Variants in MAP4K2 observed in about 807,000 individuals in gnomAD.
MAP4K2 encodes B lymphocyte serine/threonine protein kinase.
MAP4K2 carries 85 observed loss-of-function variants against 125.3 expected under a neutral mutation model. The ratio of observed to expected loss-of-function variants is 0.68; its 90% CI spans 0.57 to 0.81. The LOEUF is 0.81. Among genes scored for constraint, MAP4K2 ranks in the 40% least tolerant of loss-of-function variants. The probability of loss-of-function intolerance (pLI) is 0.00; values close to 1 mark genes in which losing one functional copy is unlikely to be tolerated. For synonymous variants in MAP4K2, 479 were observed against 445.1 expected (o/e 1.08, Z -0.96); for missense variants, 923 against 1,056.4 (o/e 0.87, Z 1.75).
chr11:64,799,662 T>C lies in MAP4K2; in HGVS notation c.937A>G (p.Thr313Ala). 1 of 1,613,800 alleles carries C rather than the reference T, an allele frequency of 6.2e-7. No homozygotes were observed. The highest frequency in any genetic ancestry group is 8.5e-7 in the Non-Finnish European group (1 of 1,179,984). ...ELETYDMFPDTIHSRGQHGPA... is the reference protein window; with the variant it reads ...ELETYDMFPDAIHSRGQHGPA... Reference sequence around the variant, plus strand: ...CCGTGCTGCCCCCGGGAGTGAATGGTGTCTGGAAACATGTCATAGGTCTAA... The same window carrying C: ...CCGTGCTGCCCCCGGGAGTGAATGGCGTCTGGAAACATGTCATAGGTCTAA... The change falls in exon 13 of 32, where the codon ACC (threonine) becomes GCC (alanine). Residue 313 changes from threonine (T) to alanine (A), a missense_variant. Coordinates refer to ENST00000294066, the MANE Select transcript of MAP4K2 (RefSeq NM_004579.5).
At position 64,792,465 on chromosome 11, in the gene MAP4K2, A is replaced by G. The variant is rs961868066; in HGVS notation, c.1752-43T>C. 9 of 1,530,024 alleles carry G rather than the reference A, an allele frequency of 5.9e-6. No individual in the cohort carries two copies. In the African/African-American group the frequency reaches 8.2e-5, roughly 14 times the overall value. The allele number at this position is 1,530,024 out of a possible 1,614,324, so 94.8% of individuals were successfully genotyped here. On this transcript the variant is annotated intron_variant, in intron 24 of 31. Transcript: ENST00000294066. Reference sequence around the variant, plus strand: ...AGGGCCTGTGTCTGGGATGCCATCCATGGGCAAGGCCCCTGCAGAGCCCTA... The same window carrying G: ...AGGGCCTGTGTCTGGGATGCCATCCGTGGGCAAGGCCCCTGCAGAGCCCTA...
At chr11:64,795,251 T>G (rs1940725451) in intron 24 of MAP4K2, among the ~76,000 whole-genome samples, 1 of 150,464 alleles carries the variant, frequency 6.6e-6, no homozygotes, top group South Asian at 2.1e-4. Context: ...ACCCAGCTAA[T>G]TTTTGTATTT....
rs1453735365 is a variant in MAP4K2 at position 64,796,324 on chromosome 11, T to A, written c.1700A>T (p.Gln567Leu). 2.6e-6 allele frequency: 4 copies of A among 1,551,864 alleles called. No individual in the cohort carries two copies. In the South Asian group the frequency reaches 3.7e-5, roughly 14 times the overall value. The change falls in exon 24 of 32, where the codon CAG (glutamine) becomes CTG (leucine). Residue 567 changes from glutamine to leucine, a missense_variant. Transcript: ENST00000294066. ...GTTGGTGGGGATGGAGAGGGGAACC[T>A]GTTGCTGTAGCCTCCGCTGCTCAAA... ...GLFEQRRLQQ[Q>L]VPLSIPTNRL...
chr11:64,791,470 C>A (rs975978574), intron 27 of MAP4K2, among the ~76,000 whole-genome samples: 1 of 152,234 alleles, frequency 6.6e-6, no homozygotes, highest in Non-Finnish European at 1.5e-5. Flanking sequence ...CTGCCTCTGT[C>A]TCCCAGGCTC....
rs555910676 is a variant in MAP4K2 at position 64,788,387 on chromosome 11, A to T, written c.*1150T>A. 2.6e-5 allele frequency: 4 copies of T among 151,920 alleles called. No homozygotes were observed. The South Asian group carries it at 8.3e-4, about 32-fold the overall frequency. The allele number at this position is 151,920 out of a possible 1,614,324, so 9.4% of individuals were successfully genotyped here. ...CTGCAGCTGCCCAAAGGCTCCAGTC[A>T]AGAGCGGCTGATCAGTGCCTGGGGC... On this transcript the variant is annotated 3_prime_UTR_variant, in exon 32 of 32. Coordinates refer to ENST00000294066, the MANE Select transcript of MAP4K2 (RefSeq NM_004579.5).
intron 10 of MAP4K2, 25 bp downstream of exon 10, chr11:64,800,739 C>T (rs780345726): frequency 4.4e-6 from 7 of 1,584,322 alleles, no homozygotes; most frequent in African/African-American, 1.3e-5. Flanking sequence ...AAAAGGGGGT[C>T]CCGGCAGCAG....
chr11:64,794,264 C>A (rs545332197), intron 24 of MAP4K2, among the ~76,000 whole-genome samples: 1 of 152,256 alleles, frequency 6.6e-6, no homozygotes, highest in Non-Finnish European at 1.5e-5. Flanking sequence ...AGGCCAAAAA[C>A]CTTGGAGCCA....
At chr11:64,796,419 G>C (rs754717229) in intron 23 of MAP4K2, 29 bp from the exon 24 acceptor site, 1 of 1,613,458 alleles carries the variant, frequency 6.2e-7, no homozygotes, top group East Asian at 2.2e-5. Context: ...GCCAGGCCTG[G>C]GGTGTTGGTG....
intron 24 of MAP4K2, among the ~76,000 whole-genome samples, chr11:64,794,542 T>C (rs2136041796): frequency 6.6e-6 from 1 of 152,248 alleles, no homozygotes; most frequent in East Asian, 1.9e-4. Flanking sequence ...GTATTTTTAC[T>C]AGGGACGGGG....
chr11:64,790,661 C>CTCATGGGGAGTGGAGGAGGAG (rs1940423970), intron 27 of MAP4K2, among the ~76,000 whole-genome samples, 199 bp from the exon 28 acceptor site: 1 of 152,198 alleles, frequency 6.6e-6, no homozygotes, highest in South Asian at 2.1e-4. Flanking sequence ...CGTCCTAGGG[C>CTCATGGGGAGTGGAGGAGGAG]TCATGGGGAG....
chr11:64,801,128 G>A lies in MAP4K2; in HGVS notation c.513C>T (p.Phe171=), dbSNP rs761832121. Reference sequence around the variant, plus strand: ...AGCCTCACCAGTAGGGAGTCCCAATGAAAGACCTCCTCTTGGCCACAGACG... The same window carrying A: ...AGCCTCACCAGTAGGGAGTCCCAATAAAAGACCTCCTCTTGGCCACAGACG... ...LTASVAKRRS[F]IGTPYWMAPE... is the part of the protein sequence containing the mutation. Residue 171 remains phenylalanine, a synonymous_variant, in exon 8 of 32, where the codon TTC becomes TTT. Transcript: ENST00000294066. 1.2e-6 allele frequency: 2 copies of A among 1,613,574 alleles called. No individual in the cohort carries two copies. The highest frequency in any genetic ancestry group is 2.2e-5 in the East Asian group (1 of 44,882).
In MAP4K2 at chr11:64,796,681, T is replaced by C. The variant is rs146672785; in HGVS notation, c.1525A>G (p.Ile509Val). 6.2e-7 allele frequency: 1 copy of C among 1,614,056 alleles called. No homozygotes were observed. The highest frequency in any genetic ancestry group is 1.7e-5 in the Admixed American group (1 of 60,026). ...AGTTCATGCAGGTTGAGTGTGTAGATGCCTTCCTCGGCCCCTACCACCAGG... is the reference window on the plus strand; with the variant it reads ...AGTTCATGCAGGTTGAGTGTGTAGACGCCTTCCTCGGCCCCTACCACCAGG... ...QFLVVGAEEG[I>V]YTLNLHELHE... Residue 509 changes from isoleucine (I) to valine (V), a missense_variant, in exon 22 of 32, where the codon ATC becomes GTC. Transcript: ENST00000294066.
At chr11:64,801,052 G>A (rs764327548) in intron 8 of MAP4K2, 21 bp from the exon 9 acceptor site, 3 of 1,613,772 alleles carry the variant, frequency 1.9e-6, no homozygotes, top group Admixed American at 3.3e-5. Context: ...GGTCACAGAT[G>A]GGATGGCCGG....
chr11:64,796,108 C>T (rs79504151), intron 24 of MAP4K2, among the ~76,000 whole-genome samples, 165 bp downstream of exon 24: 2,897 of 152,272 alleles, frequency 0.019, 38 homozygotes, highest in Non-Finnish European at 0.032. Flanking sequence ...AACAAGCCGG[C>T]GGGAGGGGGT....
At chr11:64,791,197 G>A (rs1565609183) in intron 27 of MAP4K2, among the ~76,000 whole-genome samples, 1 of 152,126 alleles carries the variant, frequency 6.6e-6, no homozygotes, top group South Asian at 2.1e-4. Context: ...CTCAGGGCCT[G>A]GCACCAGGTG....
At chr11:64,799,573 C>G (rs763329981) in intron 13 of MAP4K2, 32 bp downstream of exon 13, 2 of 1,590,032 alleles carry the variant, frequency 1.3e-6, no homozygotes, top group South Asian at 1.1e-5. Context: ...CCCCCAAAAT[C>G]TGCACACACA....
chr11:64,803,202 C>CGCGGG lies in MAP4K2; in HGVS notation c.-58_-54dup. 1 of 710,172 alleles carries CGCGGG rather than the reference C, an allele frequency of 1.4e-6. No homozygotes were observed. Among genetic ancestry groups the CGCGGG allele is most frequent in the Non-Finnish European group, 1.7e-6 (1 of 582,004 alleles). 44.0% of individuals were successfully genotyped at this position (710,172 alleles called of 1,614,324 possible). The stretch of plus-strand genomic sequence containing the variant: ...GGGCGGGCGCGAGCTGCGGAGCCGG[C>CGCGGG]GCGGGGCGGCGCGGGGCGGGGCGGG... On this transcript the variant is annotated 5_prime_UTR_variant, in exon 1 of 32. Transcript: ENST00000294066.
intron 24 of MAP4K2, 28 bp downstream of exon 24, chr11:64,796,245 C>G (rs369893821): frequency 1.3e-6 from 2 of 1,513,798 alleles, no homozygotes; most frequent in Non-Finnish European, 1.8e-6. Context: ...CTCTGCCTCC[C>G]GCTCCCTGCA....
rs868042219 is a variant in MAP4K2, at chr11:64,789,269, C to G, written c.*268G>C. 6 of 531,612 alleles carry G rather than the reference C, an allele frequency of 1.1e-5. No individual in the cohort carries two copies. The highest frequency in any genetic ancestry group is 8.9e-5 in the South Asian group (4 of 45,184). 32.9% of individuals were successfully genotyped at this position (531,612 alleles called of 1,614,324 possible). On this transcript the variant is annotated 3_prime_UTR_variant, in exon 32 of 32. Transcript: ENST00000294066. ...AACAAAATGGAATGGATGGCCCAGG[C>G]CCAGGGTCCCTGCCTTGGGCACTAG...
Sources: allele counts gnomAD v4.1 joint callset (sites outside exome capture counted in the v4.1 genomes callset), GRCh38; gene constraint gnomAD v4.1.1; transcripts MANE v1.5; gene names NCBI Gene and HGNC (gene_info 2026-07-23, HGNC 2026-07-21).